Variants in DMD observed in about 807,000 individuals in gnomAD.
DMD encodes mutant dystrophin.
DMD carries 63 observed loss-of-function variants against 330.1 expected under a neutral mutation model. That is an observed-to-expected ratio of 0.19 (90% CI 0.16 to 0.24). The LOEUF (loss-of-function observed/expected upper bound fraction) is 0.24, where lower values mean the gene tolerates loss of function less well. Among genes scored for constraint, DMD ranks in the 10% least tolerant of loss-of-function variants. The pLI is 1.00. For missense variants in DMD, 3,344 were observed against 2,684.1 expected, an observed-to-expected ratio of 1.25 and a Z score of -5.43; for synonymous variants, 1,223 against 959.8, an observed-to-expected ratio of 1.27 and a Z score of -5.07.
At chrX:32,169,648 TTAACAA>T (rs1569548305) in intron 44 of DMD, among the ~76,000 whole-genome samples, 1 of 111,531 alleles carries the variant, frequency 9.0e-6, no homozygotes, top group Non-Finnish European at 1.9e-5. Context: ...AGTAAAAGTT[TTAACAA>T]TAACAATAAA....
At chrX:31,736,896 T>C (rs965634332) in intron 51 of DMD, among the ~76,000 whole-genome samples, 1 of 111,569 alleles carries the variant, frequency 9.0e-6, no homozygotes, top group Admixed American at 9.6e-5. Context: ...GTCTGTATCA[T>C]TTCCAGCACT....
In DMD at chrX:32,380,524, C is replaced by A. The variant is rs371634786; in HGVS notation, c.4831G>T (p.Val1611Phe). 1 of 1,208,843 alleles carries A rather than the reference C, an allele frequency of 8.3e-7. No individual in the cohort carries two copies. Among genetic ancestry groups the A allele is most frequent in the African/African-American group, 1.8e-5 (1 of 57,127 alleles). The stretch of plus-strand genomic sequence containing the variant: ...ATAGGTTTTACCTTTCCCCAGGCAA[C>A]TTCAGAATCCAAATTACTAGGCATT... ...EGMPSNLDSE[V>F]AWGKATQKEI... Residue 1611 changes from valine to phenylalanine, a missense_variant, in exon 34 of 79, where the codon GTT becomes TTT. Transcript: ENST00000357033.
At chrX:31,815,817 C>T (rs1340398592) in intron 50 of DMD, among the ~76,000 whole-genome samples, 1 of 111,624 alleles carries the variant, frequency 9.0e-6, no homozygotes, top group African/African-American at 3.3e-5. Flanking sequence ...GTAACCTACA[C>T]GTTTCAAAGC....
intron 45 of DMD, among the ~76,000 whole-genome samples, chrX:31,943,878 TGAGAGAGAGAGAGA>T (rs536982335): frequency 3.6e-4 from 27 of 74,481 alleles, no homozygotes; most frequent in East Asian, 1.4e-3. Context: ...CCCCAGAGAG[TGAGAGAGAGAGAGA>T]GAGAGAGAGA....
chrX:32,051,958 T>C (rs1300523848), intron 44 of DMD, among the ~76,000 whole-genome samples: 1 of 111,934 alleles, frequency 8.9e-6, no homozygotes, highest in East Asian at 2.8e-4. Context: ...CTGTCCATTG[T>C]AATGGAGATC....
chrX:31,774,432 T>C (rs2090535304), intron 50 of DMD, among the ~76,000 whole-genome samples: 1 of 111,711 alleles, frequency 9.0e-6, no homozygotes, highest in African/African-American at 3.2e-5. Context: ...TTAACAATTT[T>C]TTAAAAAACG....
chrX:31,659,565 G>GAGATGGAAGTTGCAGTGAGCCAAGATCA (rs2080992192), intron 53 of DMD, among the ~76,000 whole-genome samples: 1 of 100,799 alleles, frequency 9.9e-6, no homozygotes, highest in Admixed American at 1.1e-4. Context: ...TTGAACCCAG[G>GAGATGGAAGTTGCAGTGAGCCAAGATCA]AGATGGAAGT....
chrX:32,904,725 C>T (rs1349433124), intron 2 of DMD, among the ~76,000 whole-genome samples: 1 of 111,715 alleles, frequency 9.0e-6, no homozygotes, highest in African/African-American at 3.3e-5. Flanking sequence ...AGGCATCCAC[C>T]ACCACACGCC....
At chrX:31,833,441 C>T (rs139893894) in intron 49 of DMD, among the ~76,000 whole-genome samples, 1,699 of 109,169 alleles carry the variant, frequency 0.016, 38 homozygotes, top group African/African-American at 0.054. Context: ...TTTGATCATA[C>T]GATCCTAAGA....
intron 62 of DMD, among the ~76,000 whole-genome samples, chrX:31,294,505 T>G (rs903218529): frequency 8.9e-6 from 1 of 112,118 alleles, no homozygotes; most frequent in African/African-American, 3.2e-5. Context: ...CTAAAATTAC[T>G]TTCCCCTTTT....
Position 31,434,418 on chromosome X carries a change from GCACACACACACACACACACACACA to G in DMD, c.9084+10039_9084+10062del, listed in dbSNP as rs10572572. The stretch of plus-strand genomic sequence containing the variant: ...CTCTCACCCTTACTGCAGCGCGCGC[GCACACACACACACACACACACACA>G]CACACACACACACACACACACACAC... On this transcript the variant is annotated intron_variant, in intron 60 of 78. Coordinates refer to ENST00000357033, the MANE Select transcript of DMD (RefSeq NM_004006.3). 3.4e-3 allele frequency among the ~76,000 whole-genome samples: 263 copies of G among 78,063 alleles called. 2 individuals are homozygous for G. Among genetic ancestry groups the G allele is most frequent in the South Asian group, 6.2e-3 (7 of 1,131 alleles). 67.8% of individuals were successfully genotyped at this position (78,063 alleles called of 115,157 possible). A position where few individuals can be genotyped will look rare whatever the true frequency, so the allele number is the denominator to read the frequency against.
intron 7 of DMD, among the ~76,000 whole-genome samples, chrX:32,764,750 T>G (rs1000011261): frequency 1.8e-5 from 2 of 111,798 alleles, no homozygotes; most frequent in Non-Finnish European, 3.8e-5. Context: ...TAAACATGGG[T>G]GTACAAATAT....
intron 1 of DMD, among the ~76,000 whole-genome samples, chrX:33,185,893 G>C (rs2050236800): frequency 8.9e-6 from 1 of 112,257 alleles, no homozygotes; most frequent in Admixed American, 9.5e-5. Flanking sequence ...ATGAGTTTGG[G>C]AAACTAGGTT....
chrX:32,361,326 T>G (rs1333075511), intron 37 of DMD, among the ~76,000 whole-genome samples: 1 of 111,591 alleles, frequency 9.0e-6, no homozygotes, highest in Admixed American at 9.7e-5. Context: ...CACATTTTTT[T>G]GCAGGTAATA....
rs1265517349 is a variant in DMD at position 31,169,598 on chromosome X, A to G, written c.10398T>C (p.Asp3466=). The G allele has an allele frequency of 1.7e-6, 2 of 1,199,823 alleles. No individual in the cohort carries two copies. The highest frequency in any genetic ancestry group is 3.6e-5 in the South Asian group (2 of 55,150). ...NDSISPNESI[D]DEHLLIQHYC... ...AATGCTGGATTAACAAATGTTCATC[A>G]TCTCTGGAAAATAAAATCAAAGGTT... Residue 3466 remains aspartate, a synonymous_variant, in exon 74 of 79, where the codon GAT becomes GAC. Transcript: ENST00000357033.
At chrX:32,738,395 A>T (rs1361563493) in intron 7 of DMD, among the ~76,000 whole-genome samples, 1 of 111,656 alleles carries the variant, frequency 9.0e-6, no homozygotes, top group African/African-American at 3.3e-5. Flanking sequence ...CCTATTAGTT[A>T]TCTGTATAAT....
In DMD at chrX:31,968,331, C is replaced by T. The variant is rs377508818; in HGVS notation, c.6614+8G>A. The T allele has an allele frequency of 7.5e-5, 91 of 1,207,726 alleles. No individual in the cohort carries two copies. The Admixed American group carries it at 1.8e-3, about 24-fold the overall frequency. On this transcript the variant is annotated splice_region_variant and intron_variant, in intron 45 of 78. Coordinates refer to ENST00000357033, the MANE Select transcript of DMD (RefSeq NM_004006.3). ...ATGTTTTCATTCCTATTAGATCTGT[C>T]GCCCTACCTCTTTTTTCTGTCTGAC...
At chrX:32,255,170 T>C (rs1468732404) in intron 43 of DMD, among the ~76,000 whole-genome samples, 2 of 112,193 alleles carry the variant, frequency 1.8e-5, no homozygotes, top group Admixed American at 1.9e-4. Flanking sequence ...GTTTTGTTTC[T>C]CCATTCTTGG....
intron 11 of DMD, among the ~76,000 whole-genome samples, chrX:32,635,272 G>A (rs1029908155): frequency 3.6e-5 from 4 of 111,318 alleles, no homozygotes; most frequent in Admixed American, 9.6e-5. Context: ...CCTCTTCTGT[G>A]CCTCTTTCTG....
Sources: gnomAD v4.1 joint callset for allele counts (sites outside exome capture counted in the v4.1 genomes callset) on GRCh38, gnomAD v4.1.1 for gene constraint, MANE v1.5 for transcripts, NCBI Gene and HGNC (gene_info 2026-07-23, HGNC 2026-07-21) for gene names.